Variants in EFNA2 observed in about 807,000 individuals in gnomAD.
EFNA2 encodes the protein ephrin A2, also known as ephrin-A2.
Under a neutral mutation model 19.7 loss-of-function variants are expected in EFNA2, and 18 were observed. That is an observed-to-expected ratio of 0.91 (90% CI 0.63 to 1.35). EFNA2 has a LOEUF of 1.35. Among genes scored for constraint, EFNA2 ranks in the 40% most tolerant of loss-of-function variants. The pLI, the probability that EFNA2 is intolerant of heterozygous loss-of-function variation, is 0.00. For synonymous variants in EFNA2, 187 were observed against 137.8 expected (o/e 1.36, Z -2.50); for missense variants, 303 against 296.0 (o/e 1.02, Z -0.17).
intron 1 of EFNA2, among the ~76,000 whole-genome samples, chr19:1,293,709 C>T (rs2081501763): frequency 1.3e-5 from 2 of 152,244 alleles, no homozygotes; most frequent in Non-Finnish European, 2.9e-5. Context: ...TGTCCCTGGA[C>T]GAATCCAACC....
intron 1 of EFNA2, among the ~76,000 whole-genome samples, chr19:1,288,548 G>A (rs567576772): frequency 3.3e-4 from 50 of 152,230 alleles, no homozygotes; most frequent in African/African-American, 1.2e-3. Flanking sequence ...AGCCGCGATG[G>A]GGGGCAGACA....
rs1210361617 is a variant in EFNA2, at chr19:1,296,255, C to T, written c.454+397C>T. ...TGTGATCTCGGGCCTCCAGCTCAGA[C>T]CACTTGGTGGTTGGGCCAGTAGACC... On this transcript the variant is annotated intron_variant, in intron 2 of 3. Transcript: ENST00000215368. The surrounding 1 kb of genome is among the most constrained non-coding windows in gnomAD (Gnocchi z 4.4). 6.6e-6 allele frequency among the ~76,000 whole-genome samples: 1 copy of T among 152,196 alleles called. No homozygotes were observed.
intron 1 of EFNA2, among the ~76,000 whole-genome samples, chr19:1,290,269 G>A (rs2081485337): frequency 6.6e-6 from 1 of 152,160 alleles, no homozygotes; most frequent in Non-Finnish European, 1.5e-5. Context: ...AGGCACCATG[G>A]TCTCTGTGTC....
In EFNA2 at chr19:1,296,220, G is replaced by C. The variant is rs1396589272; in HGVS notation, c.454+362G>C. ...AACTGAGGCTTGGAGGGGGACTGAGGCTGCACTATTGTGATCTCGGGCCTC... is the reference window on the plus strand; with the variant it reads ...AACTGAGGCTTGGAGGGGGACTGAGCCTGCACTATTGTGATCTCGGGCCTC... On this transcript the variant is annotated intron_variant, in intron 2 of 3. Coordinates refer to ENST00000215368, the MANE Select transcript of EFNA2 (RefSeq NM_001405.4). The surrounding 1 kb of genome is among the most constrained non-coding windows in gnomAD (Gnocchi z 4.4). Among the ~76,000 whole-genome samples the C allele has an allele frequency of 1.3e-5, 2 of 152,226 alleles. No individual in the cohort carries two copies. Among genetic ancestry groups the C allele is most frequent in the South Asian group, 2.1e-4 (1 of 4,826 alleles).
rs924633369 is a variant in EFNA2 at position 1,286,668 on chromosome 19, C to T, written c.140+360C>T. 1.3e-5 allele frequency among the ~76,000 whole-genome samples: 2 copies of T among 152,144 alleles called. No individual in the cohort carries two copies. The highest frequency in any genetic ancestry group is 2.1e-4 in the South Asian group (1 of 4,830). ...GACTTGGGGGGACCCCTGATCCACC[C>T]GCTTCTCTGGGGAGCCCCCTCGGTT... On this transcript the variant is annotated intron_variant, in intron 1 of 3. Transcript: ENST00000215368. The surrounding 1 kb of genome is among the most constrained non-coding windows in gnomAD (Gnocchi z 5.6).
chr19:1,297,825 A>C lies in EFNA2; in HGVS notation c.455-726A>C, dbSNP rs1465881991. 6.6e-6 allele frequency among the ~76,000 whole-genome samples: 1 copy of C among 152,138 alleles called. No individual in the cohort carries two copies. The highest frequency in any genetic ancestry group is 1.5e-5 in the Non-Finnish European group (1 of 68,016). On this transcript the variant is annotated intron_variant, in intron 2 of 3. Transcript: ENST00000215368. This position sits in a 1 kb window ranked among gnomAD's most constrained non-coding sequence, Gnocchi z 5.0. ...GGTGGCTCACGCCTGTAATCCCAGC[A>C]CTTTGGGAGGCCGAGGCGGGTGGAT...
chr19:1,290,986 T>C (rs2081488813), intron 1 of EFNA2, among the ~76,000 whole-genome samples: 1 of 152,150 alleles, frequency 6.6e-6, no homozygotes, highest in South Asian at 2.1e-4. Flanking sequence ...TCCCCCCAGC[T>C]CTGTGCGCCC....
chr19:1,286,413 C>T lies in EFNA2; in HGVS notation c.140+105C>T, dbSNP rs1260355745. 1 of 414,414 alleles carries T rather than the reference C, an allele frequency of 2.4e-6. No homozygotes were observed. The highest frequency in any genetic ancestry group is 9.9e-5 in the South Asian group (1 of 10,106). The allele number at this position is 414,414 out of a possible 1,614,324, so 25.7% of individuals were successfully genotyped here. A position where few individuals can be genotyped will look rare whatever the true frequency, so the allele number is the denominator to read the frequency against. On this transcript the variant is annotated intron_variant, in intron 1 of 3. Coordinates refer to ENST00000215368, the MANE Select transcript of EFNA2 (RefSeq NM_001405.4). This position sits in a 1 kb window ranked among gnomAD's most constrained non-coding sequence, Gnocchi z 5.6. ...CTCCGGGCGCCCCCCACGCGCGCGC[C>T]GCCGCCGGGATGCGGGCGCCCGGTT...
intron 1 of EFNA2, among the ~76,000 whole-genome samples, chr19:1,288,509 G>T (rs530765592): frequency 5.3e-5 from 8 of 152,220 alleles, no homozygotes; most frequent in African/African-American, 1.4e-4. Context: ...TTTGAGAGGG[G>T]CATACAGAAA....
At chr19:1,298,072 CAAAAAAAAAAA>C (rs58897953) in intron 2 of EFNA2, among the ~76,000 whole-genome samples, 7 of 49,846 alleles carry the variant, frequency 1.4e-4, no homozygotes, top group Non-Finnish European at 2.3e-4. Context: ...AGCTCCATCA[CAAAAAAAAAAA>C]AAAAAAAAAA....
chr19:1,300,012 C>T lies in EFNA2; in HGVS notation c.*67C>T. 1 of 1,509,398 alleles carries T rather than the reference C, an allele frequency of 6.6e-7. No individual in the cohort carries two copies. Among genetic ancestry groups the T allele is most frequent in the Non-Finnish European group, 8.8e-7 (1 of 1,134,666 alleles). 93.5% of individuals were successfully genotyped at this position (1,509,398 alleles called of 1,614,324 possible). A position where few individuals can be genotyped will look rare whatever the true frequency, so the allele number is the denominator to read the frequency against. ...CCTGGACCGCCTGACCTCGGCCCTC[C>T]GGACCCGGCTGCGGCCCCCGCCTCC... is the stretch of plus-strand genomic sequence containing the variant. On this transcript the variant is annotated 3_prime_UTR_variant, in exon 4 of 4. Coordinates refer to ENST00000215368, the MANE Select transcript of EFNA2 (RefSeq NM_001405.4).
Position 1,300,429 on chromosome 19 carries a change from A to C in EFNA2, c.*484A>C, listed in dbSNP as rs976644906. ...ACACAGCCGCTCCCCTCTGCTCTGCACCCCACTCGTGGGGGAACACAGCCG... is the reference window on the plus strand; with the variant it reads ...ACACAGCCGCTCCCCTCTGCTCTGCCCCCCACTCGTGGGGGAACACAGCCG... On this transcript the variant is annotated 3_prime_UTR_variant, in exon 4 of 4. Coordinates refer to ENST00000215368, the MANE Select transcript of EFNA2 (RefSeq NM_001405.4). Among the ~76,000 whole-genome samples the C allele has an allele frequency of 6.6e-6, 1 of 150,486 alleles. No homozygotes were observed. The highest frequency in any genetic ancestry group is 1.5e-5 in the Non-Finnish European group (1 of 67,462).
chr19:1,295,774 C>T lies in EFNA2; in HGVS notation c.370C>T (p.Leu124Phe), dbSNP rs972297765. Residue 124 changes from leucine to phenylalanine, a missense_variant, in exon 2 of 4, where the codon CTC becomes TTC. By Grantham distance (22) the Leu-to-Phe change is conservative. Coordinates refer to ENST00000215368, the MANE Select transcript of EFNA2 (RefSeq NM_001405.4). The surrounding 1 kb of genome is among the most constrained non-coding windows in gnomAD (Gnocchi z 5.8). ...CNRPAAPGGP[L>F]KFSEKFQLFT... ...CCGGCCCGCGGCGCCCGGGGGGCCG[C>T]TCAAGTTCTCGGAGAAGTTCCAGCT... 8.1e-6 allele frequency: 13 copies of T among 1,606,432 alleles called. No individual in the cohort carries two copies. In the African/African-American group the frequency reaches 9.4e-5, roughly 12 times the overall value.
rs1467691588 is a variant in EFNA2 at position 1,294,368 on chromosome 19, C to A, written c.141-1177C>A. Reference sequence around the variant, plus strand: ...CTTCCTCGGCTGATCTCTATCCTCACAGACGAGGCTGGGTCAGGGGGCTCC... The same window carrying A: ...CTTCCTCGGCTGATCTCTATCCTCAAAGACGAGGCTGGGTCAGGGGGCTCC... On this transcript the variant is annotated intron_variant, in intron 1 of 3. Transcript: ENST00000215368. The surrounding 1 kb of genome is among the most constrained non-coding windows in gnomAD (Gnocchi z 5.8). Among the ~76,000 whole-genome samples the A allele has an allele frequency of 6.6e-6, 1 of 152,182 alleles. No homozygotes were observed. The highest frequency in any genetic ancestry group is 2.4e-5 in the African/African-American group (1 of 41,438).
chr19:1,292,936 G>C (rs1448821497), intron 1 of EFNA2, among the ~76,000 whole-genome samples: 4 of 152,194 alleles, frequency 2.6e-5, no homozygotes, highest in South Asian at 4.1e-4. Context: ...TGTCAGACGT[G>C]GGGGAAGGAG....
rs2081469592 is a variant in EFNA2 at position 1,287,251 on chromosome 19, A to T, written c.140+943A>T. On this transcript the variant is annotated intron_variant, in intron 1 of 3. Coordinates refer to ENST00000215368, the MANE Select transcript of EFNA2 (RefSeq NM_001405.4). The surrounding 1 kb of genome is among the most constrained non-coding windows in gnomAD (Gnocchi z 6.2). ...GGTCTCCAAGACAGGAGCAGGCTGC[A>T]GCTTCCCTGGGGGTCCCGTGGGAGC... Among the ~76,000 whole-genome samples, 1 of 152,226 alleles carries T rather than the reference A, an allele frequency of 6.6e-6. No individual in the cohort carries two copies. The highest frequency in any genetic ancestry group is 1.9e-4 in the East Asian group (1 of 5,186).
At chr19:1,298,497 G>T (rs1185286874) in intron 2 of EFNA2, 54 bp from the exon 3 acceptor site, 15 of 1,583,780 alleles carry the variant, frequency 9.5e-6, no homozygotes, top group Non-Finnish European at 1.2e-5. Context: ...AGCCCCAGGA[G>T]GTCTCAGGCA....
intron 3 of EFNA2, 115 bp downstream of exon 3, chr19:1,298,731 G>A: frequency 9.1e-7 from 1 of 1,104,278 alleles, no homozygotes; most frequent in Non-Finnish European, 1.3e-6. Context: ...TCCCTATCTT[G>A]CCCTGCCTTG....
Position 1,287,441 on chromosome 19 carries a change from C to A in EFNA2, c.140+1133C>A, listed in dbSNP as rs1325664384. ...TCCGTTTTCCAGCCGCTTCCTGTGCCGACCGAGCCGCCCTCTGGAGCCCGC... is the reference window on the plus strand; with the variant it reads ...TCCGTTTTCCAGCCGCTTCCTGTGCAGACCGAGCCGCCCTCTGGAGCCCGC... On this transcript the variant is annotated intron_variant, in intron 1 of 3. Coordinates refer to ENST00000215368, the MANE Select transcript of EFNA2 (RefSeq NM_001405.4). This position sits in a 1 kb window ranked among gnomAD's most constrained non-coding sequence, Gnocchi z 6.2. Among the ~76,000 whole-genome samples, 2 of 152,198 alleles carry A rather than the reference C, an allele frequency of 1.3e-5. No homozygotes were observed. The highest frequency in any genetic ancestry group is 1.3e-4 in the Admixed American group (2 of 15,284).
Sources: allele counts gnomAD v4.1 joint callset (sites outside exome capture counted in the v4.1 genomes callset), GRCh38; gene constraint gnomAD v4.1.1; non-coding constraint Gnocchi (gnomAD v3.1); transcripts MANE v1.5; gene names NCBI Gene and HGNC (gene_info 2026-07-23, HGNC 2026-07-21).